VHL: variants seen among roughly 807,000 people sequenced by gnomAD.
The protein encoded by VHL is von Hippel-Lindau disease tumor suppressor.
A neutral mutation model predicts 19.2 loss-of-function variants in VHL; 10 were observed. The ratio of observed to expected loss-of-function variants is 0.52; its 90% CI spans 0.32 to 0.89. The LOEUF (loss-of-function observed/expected upper bound fraction) is 0.89, where lower values mean the gene tolerates loss of function less well. Ranked by LOEUF, VHL falls within the 40% of genes least tolerant of loss-of-function variation. The probability of loss-of-function intolerance (pLI) is 0.03; values close to 1 mark genes in which losing one functional copy is unlikely to be tolerated. For missense variants in VHL, 328 were observed against 292.7 expected (o/e 1.12, Z -0.88); for synonymous variants, 167 against 129.5 (o/e 1.29, Z -1.97).
intron 2 of VHL, among the ~76,000 whole-genome samples, 162 bp downstream of exon 2, chr3:10,146,798 A>C (rs575360985): frequency 6.7e-6 from 1 of 149,964 alleles, no homozygotes; most frequent in African/African-American, 2.5e-5. Context: ...GAAGTGATGT[A>C]TTTGTACGTT....
intron 2 of VHL, among the ~76,000 whole-genome samples, chr3:10,149,370 C>T (rs1289397669): frequency 5.3e-5 from 8 of 152,160 alleles, no homozygotes; most frequent in African/African-American, 1.7e-4. Flanking sequence ...ACGTTGGCCT[C>T]CCAAAGTGTT....
In VHL at chr3:10,149,958, G is replaced by T. The variant is rs2125130884; in HGVS notation, c.635G>T (p.Gly212Val). Residue 212 changes from glycine (G) to valine (V), a missense_variant, in exon 3 of 3, where the codon GGA becomes GTA. Transcript: ENST00000256474. ...GAGCGCATTGCACATCAACGGATGG[G>T]AGATTGAAGATTTCTGTTGAAACTT... ...TQERIAHQRM[G>V]D The T allele has an allele frequency of 1.9e-6, 3 of 1,613,512 alleles. No individual in the cohort carries two copies. Among genetic ancestry groups the T allele is most frequent in the Non-Finnish European group, 2.5e-6 (3 of 1,179,716 alleles).
rs1696473884 is a variant in VHL, at chr3:10,153,598, C to T, written c.*3633C>T. ...TTAAGAGACGGTGAAGTTCCTATTT[C>T]AAGTTTTTTTTTTTTTTTTTTTTTT... On this transcript the variant is annotated 3_prime_UTR_variant, in exon 3 of 3. Coordinates refer to ENST00000256474, the MANE Select transcript of VHL (RefSeq NM_000551.4). Among the ~76,000 whole-genome samples, 1 of 76,246 alleles carries T rather than the reference C, an allele frequency of 1.3e-5. No individual in the cohort carries two copies. The highest frequency in any genetic ancestry group is 4.1e-4 in the South Asian group (1 of 2,420). 50.0% of individuals were successfully genotyped at this position (76,246 alleles called of 152,430 possible).
chr3:10,145,566 C>T (rs1010524352), intron 1 of VHL, among the ~76,000 whole-genome samples: 1 of 151,740 alleles, frequency 6.6e-6, no homozygotes, highest in Admixed American at 6.6e-5. Flanking sequence ...ATTAGCCGGG[C>T]GTGGTGGCGG....
intron 2 of VHL, among the ~76,000 whole-genome samples, chr3:10,149,202 T>A (rs1206229253): frequency 6.6e-6 from 1 of 151,754 alleles, no homozygotes; most frequent in Non-Finnish European, 1.5e-5. Context: ...AACCTCTGCC[T>A]CCAGGGCTCA....
At chr3:10,143,796 A>G (rs969804092) in intron 1 of VHL, among the ~76,000 whole-genome samples, 1 of 152,152 alleles carries the variant, frequency 6.6e-6, no homozygotes, top group Non-Finnish European at 1.5e-5. Context: ...TCAGATTTAT[A>G]TACTGAAAAG....
At position 10,149,094 on chromosome 3, in the gene VHL, C is replaced by CTT. The variant is rs199676690; in HGVS notation, c.464-682_464-681dup. Among the ~76,000 whole-genome samples the CTT allele has an allele frequency of 2.1e-4, 31 of 144,558 alleles. 1 individual carries two copies. The highest frequency in any genetic ancestry group is 6.1e-4 in the East Asian group (3 of 4,910). 94.8% of individuals were successfully genotyped at this position (144,558 alleles called of 152,430 possible). A position where few individuals can be genotyped will look rare whatever the true frequency, so the allele number is the denominator to read the frequency against. On this transcript the variant is annotated intron_variant, in intron 2 of 2. Transcript: ENST00000256474. Reference sequence around the variant, plus strand: ...GCAGCTGGGGGCTGGGCCTGTCCCTCTTTTTTTTTTTTCTCTTTTCTTTTT... The same window carrying CTT: ...GCAGCTGGGGGCTGGGCCTGTCCCTCTTTTTTTTTTTTTTCTCTTTTCTTTTT...
rs952732154 is a variant in VHL, at chr3:10,150,485, G to C, written c.*520G>C. 1 of 545,306 alleles carries C rather than the reference G, an allele frequency of 1.8e-6. No individual in the cohort carries two copies. 33.8% of individuals were successfully genotyped at this position (545,306 alleles called of 1,614,324 possible). On this transcript the variant is annotated 3_prime_UTR_variant, in exon 3 of 3. Coordinates refer to ENST00000256474, the MANE Select transcript of VHL (RefSeq NM_000551.4). ...ATGAGCCTTCAGTCAGGGTTTGTCA[G>C]AGGAACAAACCAGGGGACACTTTGT...
chr3:10,145,715 AAAAAG>A (rs1363850862), intron 1 of VHL, among the ~76,000 whole-genome samples: 15 of 151,728 alleles, frequency 9.9e-5, no homozygotes, highest in South Asian at 2.1e-4. Flanking sequence ...CAAAAAAAAA[AAAAAG>A]AAAAAGAAAA....
At chr3:10,142,459 C>T (rs1696150821) in intron 1 of VHL, 3 of 491,598 alleles carry the variant, frequency 6.1e-6, no homozygotes, top group Non-Finnish European at 1.1e-5. Context: ...GATTCTCCTG[C>T]CTCAGCCTCC....
At position 10,146,648 on chromosome 3, in the gene VHL, T is replaced by C. The variant is rs1382435156; in HGVS notation, c.463+12T>C. The C allele has an allele frequency of 6.8e-6, 11 of 1,613,174 alleles. No individual in the cohort carries two copies. Among genetic ancestry groups the C allele is most frequent in the Non-Finnish European group, 9.3e-6 (11 of 1,179,406 alleles). ...TATCACACTGCCAGGTACTGACGTT[T>C]TACTTTTTAAAAAGATAAGGTTGTT... On this transcript the variant is annotated intron_variant, in intron 2 of 2. Coordinates refer to ENST00000256474, the MANE Select transcript of VHL (RefSeq NM_000551.4).
At position 10,142,007 on chromosome 3, in the gene VHL, A is replaced by G; in HGVS notation, c.160A>G (p.Met54Val). 6.3e-7 allele frequency: 1 copy of G among 1,587,026 alleles called. No homozygotes were observed. The highest frequency in any genetic ancestry group is 8.6e-7 in the Non-Finnish European group (1 of 1,168,276). ...GGAGGAACTGGGCGCCGAGGAGGAG[A>G]TGGAGGCCGGGCGGCCGCGGCCCGT... is the stretch of plus-strand genomic sequence containing the variant. ...GPEELGAEEE[M>V]EAGRPRPVLR... The change falls in exon 1 of 3, where the codon ATG becomes GTG. Residue 54 changes from methionine to valine, a missense_variant. Met to Val is a conservative substitution (Grantham distance 21, BLOSUM62 1). Coordinates refer to ENST00000256474, the MANE Select transcript of VHL (RefSeq NM_000551.4).
chr3:10,145,061 A>G (rs1696221914), intron 1 of VHL, among the ~76,000 whole-genome samples: 1 of 152,102 alleles, frequency 6.6e-6, no homozygotes, highest in Admixed American at 6.6e-5. Context: ...ATGTGGTGGC[A>G]TGCGCCTGTT....
chr3:10,143,160 G>C (rs1353979682), intron 1 of VHL: 2 of 151,518 alleles, frequency 1.3e-5, no homozygotes, highest in East Asian at 3.9e-4. Flanking sequence ...CTGCAAGCTG[G>C]AGTGCAGTGG....
chr3:10,146,145 A>G (rs1267294424), intron 1 of VHL, among the ~76,000 whole-genome samples: 1 of 149,996 alleles, frequency 6.7e-6, no homozygotes, highest in Non-Finnish European at 1.5e-5. Context: ...TGGAGAAAAT[A>G]GGTGCCCTGA....
Position 10,141,916 on chromosome 3 carries a change from C to T in VHL, c.69C>T (p.Tyr23=), listed in dbSNP as rs1553619313. 6.5e-7 allele frequency: 1 copy of T among 1,537,340 alleles called. No individual in the cohort carries two copies. The highest frequency in any genetic ancestry group is 8.8e-7 in the Non-Finnish European group (1 of 1,140,316). ...CGGAGGAGGCAGGCGTCGAAGAGTA[C>T]GGCCCTGAAGAAGACGGCGGGGAGG... ...VGAEEAGVEE[Y]GPEEDGGEES... Residue 23 remains tyrosine (Y), a synonymous_variant, in exon 1 of 3, where the codon TAC becomes TAT. Transcript: ENST00000256474.
rs1060503559 is a variant in VHL, at chr3:10,141,887, G to A, written c.40G>A (p.Gly14Ser). Residue 14 changes from glycine to serine, a missense_variant, in exon 1 of 3, where the codon GGC (glycine) becomes AGC (serine). By Grantham distance (56) the Gly-to-Ser change is moderately conservative. Coordinates refer to ENST00000256474, the MANE Select transcript of VHL (RefSeq NM_000551.4). ...GGAGAACTGGGACGAGGCCGAGGTA[G>A]GCGCGGAGGAGGCAGGCGTCGAAGA... ...RAENWDEAEV[G>S]AEEAGVEEYG... The A allele has an allele frequency of 6.5e-7, 1 of 1,533,118 alleles. No homozygotes were observed. The allele number at this position is 1,533,118 out of a possible 1,614,324, so 95.0% of individuals were successfully genotyped here. A position where few individuals can be genotyped will look rare whatever the true frequency, so the allele number is the denominator to read the frequency against.
rs942087597 is a variant in VHL, at chr3:10,141,798, A to C, written c.-50A>C. The C allele has an allele frequency of 3.9e-6, 6 of 1,533,134 alleles. No individual in the cohort carries two copies. Among genetic ancestry groups the C allele is most frequent in the African/African-American group, 1.4e-5 (1 of 72,218 alleles). 95.0% of individuals were successfully genotyped at this position (1,533,134 alleles called of 1,614,324 possible). ...CGCACGCAGCTCCGCCCCGCGTCCG[A>C]CCCGCGGATCCCGCGGCGTCCGGCC... On this transcript the variant is annotated 5_prime_UTR_variant, in exon 1 of 3. Coordinates refer to ENST00000256474, the MANE Select transcript of VHL (RefSeq NM_000551.4).
rs730882038 is a variant in VHL at position 10,141,837 on chromosome 3, T to TCGCGGAGGGAATGC, written c.-9_5dup. On this transcript the variant is annotated 5_prime_UTR_variant, in exon 1 of 3. The change creates a new upstream start codon in the 5' untranslated region. Transcript: ENST00000256474. Reference sequence around the variant, plus strand: ...CGGCGTCCGGCCCGGGTGGTCTGGATCGCGGAGGGAATGCCCCGGAGGGCG... The same window carrying TCGCGGAGGGAATGC: ...CGGCGTCCGGCCCGGGTGGTCTGGATCGCGGAGGGAATGCCGCGGAGGGAATGCCCCGGAGGGCG... 6.5e-6 allele frequency: 10 copies of TCGCGGAGGGAATGC among 1,536,612 alleles called. No homozygotes were observed. Among genetic ancestry groups the TCGCGGAGGGAATGC allele is most frequent in the South Asian group, 2.4e-5 (2 of 82,854 alleles).
Sources: allele counts gnomAD v4.1 joint callset (sites outside exome capture counted in the v4.1 genomes callset), GRCh38; gene constraint gnomAD v4.1.1; transcripts MANE v1.5; gene names NCBI Gene and HGNC (gene_info 2026-07-23, HGNC 2026-07-21).